The following ACOX3 variants were observed in gnomAD, a reference collection of about 807,000 sequenced individuals.
ACOX3 encodes acyl-CoA oxidase 3, pristanoyl.
A neutral mutation model predicts 81.5 loss-of-function variants in ACOX3; 73 were observed. The observed-to-expected ratio is 0.90, with a 90% CI of 0.74 to 1.09. ACOX3 has a LOEUF of 1.09. Ranked by LOEUF, ACOX3 falls within the 50% of genes least tolerant of loss-of-function variation. The pLI is 0.00. For synonymous variants in ACOX3, 387 were observed against 375.1 expected (o/e 1.03, Z -0.37); for missense variants, 947 against 928.0 (o/e 1.02, Z -0.27).
At chr4:8,373,494 G>C (rs1049118130) in intron 16 of ACOX3, 67 bp downstream of exon 16, 15 of 1,521,068 alleles carry the variant, frequency 9.9e-6, no homozygotes, top group Middle Eastern at 1.8e-4. Context: ...GATGCTAAGG[G>C]GATGCGTGTC....
chr4:8,367,018 C>T lies in ACOX3; in HGVS notation c.2046G>A (p.Trp682Ter). Residue 682 changes from tryptophan to a stop codon, truncating the protein, a stop_gained, in exon 18 of 18, where the codon TGG becomes TGA. Transcript: ENST00000356406. LOFTEE classifies it low-confidence loss of function (END_TRUNC). Reference sequence around the variant, plus strand: ...GTTTGTTCACAGAAAACTCTGGCCACCAGGATGCCCGCTCCAACACCTTGC... The same window carrying T: ...GTTTGTTCACAGAAAACTCTGGCCATCAGGATGCCCGCTCCAACACCTTGC... ...QESKVLERAS[W>*]WPEFSVNKPV... The T allele has an allele frequency of 3.1e-6, 5 of 1,614,132 alleles. No homozygotes were observed. Among genetic ancestry groups the T allele is most frequent in the Non-Finnish European group, 4.2e-6 (5 of 1,180,008 alleles).
chr4:8,374,988 C>G lies in ACOX3; in HGVS notation c.1818G>C (p.Leu606=). 5.2e-6 allele frequency: 8 copies of G among 1,526,802 alleles called. No individual in the cohort carries two copies. Among genetic ancestry groups the G allele is most frequent in the Non-Finnish European group, 7.1e-6 (8 of 1,129,746 alleles). 94.6% of individuals were successfully genotyped at this position (1,526,802 alleles called of 1,614,324 possible). A position where few individuals can be genotyped will look rare whatever the true frequency, so the allele number is the denominator to read the frequency against. The change falls in exon 15 of 18, where the codon CTG becomes CTC. Residue 606 remains leucine (L), a synonymous_variant. Transcript: ENST00000356406. ...AGTCAGAAGCCTCACCTCGGTAGAG[C>G]AGGGCCGCGTGGCGGCTCAGGGACC... The part of the protein sequence containing the change: ...ALWSLSRHAA[L]LYRGGYFSGE...
intron 5 of ACOX3, among the ~76,000 whole-genome samples, chr4:8,411,653 C>A (rs75097547): frequency 2.6e-5 from 4 of 152,266 alleles, no homozygotes; most frequent in Non-Finnish European, 5.9e-5. Context: ...CTGCTCCACA[C>A]AGATCTTTCC....
chr4:8,367,034 A>C lies in ACOX3; in HGVS notation c.2030T>G (p.Leu677Trp), dbSNP rs1270774123. ...CTCTGGCCACCAGGATGCCCGCTCC[A>C]ACACCTTGCTTTCCTGCAGGACAGC... is the stretch of plus-strand genomic sequence containing the variant. Reference protein sequence around the residue: ...WGAVLQESKVLERASWWPEFS... With the variant: ...WGAVLQESKVWERASWWPEFS... The change falls in exon 18 of 18, where the codon TTG (leucine) becomes TGG (tryptophan). Residue 677 changes from leucine to tryptophan, a missense_variant. Transcript: ENST00000356406. The C allele has an allele frequency of 6.2e-7, 1 of 1,614,118 alleles. No homozygotes were observed. Among genetic ancestry groups the C allele is most frequent in the East Asian group, 2.2e-5 (1 of 44,884 alleles).
chr4:8,404,903 G>T lies in ACOX3; in HGVS notation c.776+1052C>A, dbSNP rs541852552. Among the ~76,000 whole-genome samples the T allele has an allele frequency of 3.3e-5, 5 of 152,044 alleles. No individual in the cohort carries two copies. In the South Asian group the frequency reaches 1.0e-3, roughly 32 times the overall value. On this transcript the variant is annotated intron_variant, in intron 7 of 17. Coordinates refer to ENST00000356406, the MANE Select transcript of ACOX3 (RefSeq NM_003501.3). ...TAAATCATCTCGTGGGCACAGAGGGGTCTACACCCTGCTGGATCAGGCTCT... is the reference window on the plus strand; with the variant it reads ...TAAATCATCTCGTGGGCACAGAGGGTTCTACACCCTGCTGGATCAGGCTCT...
chr4:8,414,882 G>A lies in ACOX3; in HGVS notation c.425C>T (p.Thr142Ile). Residue 142 changes from threonine to isoleucine, a missense_variant, in exon 4 of 18, where the codon ACA (threonine) becomes ATA (isoleucine). Coordinates refer to ENST00000356406, the MANE Select transcript of ACOX3 (RefSeq NM_003501.3). This position sits in a 1 kb window ranked among gnomAD's most constrained non-coding sequence, Gnocchi z 6.1. ...VYSSGSERHL[T>I]YIQKIFRMEI... ...CATCCTGAAGATCTTTTGAATATATGTGAGATGTCTTTCAGAACCAGAACT... is the reference window on the plus strand; with the variant it reads ...CATCCTGAAGATCTTTTGAATATATATGAGATGTCTTTCAGAACCAGAACT... 1.2e-6 allele frequency: 2 copies of A among 1,614,208 alleles called. No homozygotes were observed. The highest frequency in any genetic ancestry group is 1.7e-6 in the Non-Finnish European group (2 of 1,180,034).
chr4:8,371,013 C>T lies in ACOX3; in HGVS notation c.1897-19G>A. 6.2e-7 allele frequency: 1 copy of T among 1,612,262 alleles called. No homozygotes were observed. ...CTTTCAGCTGTTGGAAAACAAAGCC[C>T]AGACACTTGGCACCTCCCGGGAATT... On this transcript the variant is annotated intron_variant, in intron 16 of 17. Coordinates refer to ENST00000356406, the MANE Select transcript of ACOX3 (RefSeq NM_003501.3).
intron 7 of ACOX3, among the ~76,000 whole-genome samples, chr4:8,403,054 C>A (rs1423006953): frequency 6.6e-6 from 1 of 152,180 alleles, no homozygotes; most frequent in Non-Finnish European, 1.5e-5. Flanking sequence ...AAGAGTCTGG[C>A]TGAAACTATC....
intron 14 of ACOX3, among the ~76,000 whole-genome samples, chr4:8,378,913 C>T (rs1194544183): frequency 6.6e-6 from 1 of 152,172 alleles, no homozygotes; most frequent in African/African-American, 2.4e-5. Context: ...TCTCCATGAA[C>T]GGTGCTGCTG....
In ACOX3 at chr4:8,389,564, GC is replaced by G. The variant is rs1718712541; in HGVS notation, c.1423+47del. On this transcript the variant is annotated intron_variant, in intron 12 of 17. Transcript: ENST00000356406. This position sits in a 1 kb window ranked among gnomAD's most constrained non-coding sequence, Gnocchi z 5.3. ...AGTGAGGCCAGGAGAACCCACCCCTGCCCCAGTTGGGTTCCAGCGCCCCCAC... is the reference window on the plus strand; with the variant it reads ...AGTGAGGCCAGGAGAACCCACCCCTGCCCAGTTGGGTTCCAGCGCCCCCAC... 1 of 1,611,204 alleles carries G rather than the reference GC, an allele frequency of 6.2e-7. No individual in the cohort carries two copies. Among genetic ancestry groups the G allele is most frequent in the Non-Finnish European group, 8.5e-7 (1 of 1,179,262 alleles).
At chr4:8,361,425 CAAAAAAAAAAAAAAAAAAAAAAA>C (rs56251372), downstream of ACOX3, among the ~76,000 whole-genome samples, 1 of 39,034 alleles carries the variant, frequency 2.6e-5, no homozygotes, top group Non-Finnish European at 4.2e-5. Flanking sequence ...GACTCTATCT[CAAAAAAAAAAAAAAAAAAAAAAA>C]AAAAAAAAAG....
rs776542775 is a variant in ACOX3 at position 8,375,052 on chromosome 4, C to G, written c.1754G>C (p.Arg585Pro). Residue 585 changes from arginine (R) to proline (P), a missense_variant, in exon 15 of 18, where the codon CGG becomes CCG. Transcript: ENST00000356406. ...VHQPSVPPSL[R>P]AVLGRLSALY... ...AGCACTGAGCCGCCCCAGCACGGCC[C>G]GCAGCGAGGGCGGCACGGAAGGCTG... is the stretch of plus-strand genomic sequence containing the variant. The G allele has an allele frequency of 4.5e-6, 7 of 1,554,822 alleles. No homozygotes were observed. Among genetic ancestry groups the G allele is most frequent in the Non-Finnish European group, 5.2e-6 (6 of 1,149,028 alleles).
rs900434271 is a variant in ACOX3, at chr4:8,407,053, C to A, written c.688-1010G>T. Among the ~76,000 whole-genome samples, 1 of 152,184 alleles carries A rather than the reference C, an allele frequency of 6.6e-6. No homozygotes were observed. The highest frequency in any genetic ancestry group is 1.9e-4 in the East Asian group (1 of 5,184). ...TACCGCTAGACCACGGTCTGCTTGG[C>A]AACGGGCGTCTTCCCAGATGCTGGC... On this transcript the variant is annotated intron_variant, in intron 6 of 17. Coordinates refer to ENST00000356406, the MANE Select transcript of ACOX3 (RefSeq NM_003501.3). This position sits in a 1 kb window ranked among gnomAD's most constrained non-coding sequence, Gnocchi z 4.6.
intron 3 of ACOX3, 80 bp downstream of exon 3, chr4:8,415,686 G>T: frequency 1.6e-6 from 2 of 1,225,438 alleles, no homozygotes; most frequent in South Asian, 1.3e-5. Context: ...TCTGCCTCTT[G>T]GTTGGCCCTG....
rs1722088689 is a variant in ACOX3 at position 8,414,263 on chromosome 4, T to G, written c.543+29A>C. ...TCATGACGTCTCATATGCTCCAAAC[T>G]CAGGGACCCGGGGGAAGGTAATACC... On this transcript the variant is annotated intron_variant, in intron 5 of 17. Coordinates refer to ENST00000356406, the MANE Select transcript of ACOX3 (RefSeq NM_003501.3). This position sits in a 1 kb window ranked among gnomAD's most constrained non-coding sequence, Gnocchi z 6.1. 1 of 1,595,566 alleles carries G rather than the reference T, an allele frequency of 6.3e-7. No individual in the cohort carries two copies. Among genetic ancestry groups the G allele is most frequent in the Non-Finnish European group, 8.6e-7 (1 of 1,163,322 alleles).
In ACOX3 at chr4:8,397,075, C is replaced by A; in HGVS notation, c.918G>T (p.Ser306=). 6.3e-7 allele frequency: 1 copy of A among 1,596,540 alleles called. No homozygotes were observed. The highest frequency in any genetic ancestry group is 8.5e-7 in the Non-Finnish European group (1 of 1,172,764). Residue 306 remains serine, a synonymous_variant, in exon 9 of 18, where the codon TCG becomes TCT. Coordinates refer to ENST00000356406, the MANE Select transcript of ACOX3 (RefSeq NM_003501.3). ...CCAGGCTCACGATGGAGACCCGGCCCGAGGACAGGCTCCCCAGGGACGCTC... is the reference window on the plus strand; with the variant it reads ...CCAGGCTCACGATGGAGACCCGGCCAGAGGACAGGCTCCCCAGGGACGCTC... ...RFGASLGSLS[S]GRVSIVSLAI...
intron 13 of ACOX3, among the ~76,000 whole-genome samples, chr4:8,387,039 T>C (rs914591844): frequency 1.4e-4 from 21 of 152,314 alleles, no homozygotes; most frequent in African/African-American, 4.8e-4. Flanking sequence ...AAGCCTCACA[T>C]TCTGGTCTCC....
intron 13 of ACOX3, among the ~76,000 whole-genome samples, chr4:8,383,695 C>T (rs1560173967): frequency 6.6e-6 from 1 of 152,132 alleles, no homozygotes; most frequent in East Asian, 1.9e-4. Flanking sequence ...GGCAGGCTGC[C>T]CAGGGGTCAT....
intron 1 of ACOX3, among the ~76,000 whole-genome samples, chr4:8,435,229 G>A (rs1378448317): frequency 2.0e-5 from 3 of 152,160 alleles, no homozygotes; most frequent in Non-Finnish European, 2.9e-5. Context: ...GGTGGCTCAC[G>A]CCTATAATCC....
Sources: gnomAD v4.1 joint callset for allele counts (sites outside exome capture counted in the v4.1 genomes callset) on GRCh38, gnomAD v4.1.1 for gene constraint, Gnocchi (gnomAD v3.1) non-coding constraint, MANE v1.5 for transcripts, NCBI Gene and HGNC (gene_info 2026-07-23, HGNC 2026-07-21) for gene names.